Variants in PCDHGA2 observed in about 807,000 individuals in gnomAD.
PCDHGA2 encodes the protein protocadherin gamma subfamily A, 2.
Under a neutral mutation model 59.2 loss-of-function variants are expected in PCDHGA2, and 40 were observed. The observed-to-expected ratio is 0.68, with a 90% CI of 0.52 to 0.88. PCDHGA2 has a LOEUF of 0.88. Among genes scored for constraint, PCDHGA2 ranks in the 40% least tolerant of loss-of-function variants. The probability of loss-of-function intolerance (pLI) is 0.00; values close to 1 mark genes in which losing one functional copy is unlikely to be tolerated. For missense variants in PCDHGA2, 1,226 were observed against 1,204.0 expected (o/e 1.02, Z -0.27); for synonymous variants, 560 against 526.0 (o/e 1.06, Z -0.89).
chr5:141,363,615 G>T (rs973220215), intron 1 of PCDHGA2, among the ~76,000 whole-genome samples: 10 of 152,342 alleles, frequency 6.6e-5, no homozygotes, highest in Admixed American at 3.9e-4. Context: ...TGAGATAGTG[G>T]AGAGACTTTC....
Position 141,431,199 on chromosome 5 carries a change from C to T in PCDHGA2, c.2425-63608C>T. 1 of 1,614,194 alleles carries T rather than the reference C, an allele frequency of 6.2e-7. No homozygotes were observed. Among genetic ancestry groups the T allele is most frequent in the East Asian group, 2.2e-5 (1 of 44,890 alleles). ...GAAATAAAAATTAGTGAAAATGCAG[C>T]CACTGAGATGCGGTTCCCTCTACCC... On this transcript the variant is annotated intron_variant, in intron 1 of 3. Transcript: ENST00000394576. This position sits in a 1 kb window ranked among gnomAD's most constrained non-coding sequence, Gnocchi z 4.8.
intron 1 of PCDHGA2, among the ~76,000 whole-genome samples, chr5:141,434,021 C>A (rs1023145172): frequency 2.0e-5 from 3 of 152,052 alleles, no homozygotes; most frequent in Admixed American, 2.0e-4. Context: ...TTCTATGATT[C>A]TGGAAGCATG....
Position 141,432,254 on chromosome 5 carries a change from G to A in PCDHGA2, c.2425-62553G>A, listed in dbSNP as rs935437220. 6.2e-7 allele frequency: 1 copy of A among 1,614,242 alleles called. No homozygotes were observed. The highest frequency in any genetic ancestry group is 8.5e-7 in the Non-Finnish European group (1 of 1,180,050). ...CCTGGCTGAGAACACCATCCAAGGG[G>A]CAAGCCTATCGTCCTACGTGTCCAT... On this transcript the variant is annotated intron_variant, in intron 1 of 3. Transcript: ENST00000394576. The surrounding 1 kb of genome is among the most constrained non-coding windows in gnomAD (Gnocchi z 6.0).
chr5:141,461,027 C>G (rs993151622), intron 1 of PCDHGA2, among the ~76,000 whole-genome samples: 2 of 150,168 alleles, frequency 1.3e-5, no homozygotes, highest in Non-Finnish European at 3.0e-5. Flanking sequence ...TTTTCTTTAT[C>G]CACTCATTAG....
intron 1 of PCDHGA2, chr5:141,384,170 C>A: frequency 6.2e-7 from 1 of 1,613,736 alleles, no homozygotes; most frequent in Non-Finnish European, 8.5e-7. Flanking sequence ...ACACTGAAAG[C>A]CACAGATGGT....
intron 1 of PCDHGA2, chr5:141,370,352 C>T (rs1169280813): frequency 6.7e-7 from 1 of 1,499,528 alleles, no homozygotes; most frequent in Non-Finnish European, 8.9e-7. Flanking sequence ...ATTTAAAGAT[C>T]TCCTCTCCTC....
chr5:141,348,714 A>G (rs1175259407), intron 1 of PCDHGA2, among the ~76,000 whole-genome samples: 1 of 152,202 alleles, frequency 6.6e-6, no homozygotes, highest in African/African-American at 2.4e-5. Context: ...ATCCACTACA[A>G]CAGAAAGGGA....
intron 3 of PCDHGA2, among the ~76,000 whole-genome samples, chr5:141,509,636 C>T (rs1199892148): frequency 6.6e-6 from 1 of 152,164 alleles, no homozygotes; most frequent in Non-Finnish European, 1.5e-5. Context: ...TGATGCTGAG[C>T]CAGGGCCAGA....
rs200254467 is a variant in PCDHGA2 at position 141,419,887 on chromosome 5, C to T, written c.2425-74920C>T. 380 of 1,614,050 alleles carry T rather than the reference C, an allele frequency of 2.4e-4. 1 individual carries two copies. The Admixed American group carries it at 2.6e-3, about 11-fold the overall frequency. ...TGCAAGAGGTACTGCCGGATTTCAGCGACCATCCCACACCCTCTGACTCCC... is the reference window on the plus strand; with the variant it reads ...TGCAAGAGGTACTGCCGGATTTCAGTGACCATCCCACACCCTCTGACTCCC... On this transcript the variant is annotated intron_variant, in intron 1 of 3. Transcript: ENST00000394576.
intron 1 of PCDHGA2, chr5:141,422,092 G>C: frequency 6.2e-7 from 1 of 1,611,520 alleles, no homozygotes; most frequent in Non-Finnish European, 8.5e-7. Flanking sequence ...GGAAAGCAAG[G>C]CTTCTGAAAT....
chr5:141,466,496 GCA>G (rs2099123596), intron 1 of PCDHGA2, among the ~76,000 whole-genome samples: 1 of 152,120 alleles, frequency 6.6e-6, no homozygotes. Context: ...TTTAATTAGA[GCA>G]CAGACAAGAT....
At chr5:141,417,129 T>C (rs887933624) in intron 1 of PCDHGA2, 2 of 152,218 alleles carry the variant, frequency 1.3e-5, no homozygotes, top group South Asian at 2.1e-4. Context: ...TGGATGATGG[T>C]AATGACTAGG....
At chr5:141,385,015 G>C in intron 1 of PCDHGA2, 2 of 1,614,018 alleles carry the variant, frequency 1.2e-6, no homozygotes, top group South Asian at 2.2e-5. Context: ...CGTCTTCCTA[G>C]CCTTCGTCCT....
chr5:141,389,790 G>C (rs1328126483), intron 1 of PCDHGA2: 1 of 1,613,470 alleles, frequency 6.2e-7, no homozygotes, highest in South Asian at 1.1e-5. Context: ...CAGGGACGCC[G>C]TCCGCCAGCG....
intron 1 of PCDHGA2, among the ~76,000 whole-genome samples, chr5:141,456,206 T>C (rs966457070): frequency 6.6e-6 from 1 of 152,098 alleles, no homozygotes; most frequent in African/African-American, 2.4e-5. Context: ...ACCACATTCC[T>C]CCCTGTGGCG....
chr5:141,393,708 G>A, intron 1 of PCDHGA2: 2 of 1,613,788 alleles, frequency 1.2e-6, no homozygotes, highest in South Asian at 1.1e-5. Context: ...TGAAAATACT[G>A]GGGAAATATC....
chr5:141,419,470 G>A (rs2096387963), intron 1 of PCDHGA2: 1 of 1,612,362 alleles, frequency 6.2e-7, no homozygotes, highest in African/African-American at 1.3e-5. Context: ...CCCGCGACCA[G>A]GGCTCGCCCG....
intron 1 of PCDHGA2, chr5:141,386,063 G>A (rs2090447648): frequency 6.6e-6 from 1 of 152,220 alleles, no homozygotes; most frequent in South Asian, 2.1e-4. Flanking sequence ...GAGAATTCCA[G>A]TATGTTGTTT....
rs754728562 is a variant in PCDHGA2, at chr5:141,489,487, G to A, written c.2425-5320G>A. 6.2e-7 allele frequency: 1 copy of A among 1,613,942 alleles called. No individual in the cohort carries two copies. On this transcript the variant is annotated intron_variant, in intron 1 of 3. Coordinates refer to ENST00000394576, the MANE Select transcript of PCDHGA2 (RefSeq NM_018915.4). This position sits in a 1 kb window ranked among gnomAD's most constrained non-coding sequence, Gnocchi z 4.5. The stretch of plus-strand genomic sequence containing the variant: ...TTTTTCCCTGAGCTTGATGAGTGGT[G>A]CCCTGGCAGTGAATCAAAAGATTGA...
Sources: allele counts gnomAD v4.1 joint callset (sites outside exome capture counted in the v4.1 genomes callset), GRCh38; gene constraint gnomAD v4.1.1; non-coding constraint Gnocchi (gnomAD v3.1); transcripts MANE v1.5; gene names NCBI Gene and HGNC (gene_info 2026-07-23, HGNC 2026-07-21).